Variants in CLOCK observed in about 807,000 individuals in gnomAD.
CLOCK encodes the protein clock circadian regulator, also known as circadian locomoter output cycles protein kaput.
CLOCK carries 43 observed loss-of-function variants against 118.4 expected under a neutral mutation model. The ratio of observed to expected loss-of-function variants is 0.36; its 90% CI spans 0.28 to 0.47. The LOEUF (loss-of-function observed/expected upper bound fraction) is 0.47, where lower values mean the gene tolerates loss of function less well. Ranked by LOEUF, CLOCK falls within the 20% of genes least tolerant of loss-of-function variation. The probability of loss-of-function intolerance (pLI) is 1.00; values close to 1 mark genes in which losing one functional copy is unlikely to be tolerated. For missense variants in CLOCK, 846 were observed against 999.9 expected (o/e 0.85, Z 2.08); for synonymous variants, 326 against 339.2 (o/e 0.96, Z 0.43).
intron 4 of CLOCK, among the ~76,000 whole-genome samples, chr4:55,481,728 G>A (rs1039651080): frequency 4.6e-5 from 7 of 152,224 alleles, no homozygotes; most frequent in East Asian, 1.9e-4. Flanking sequence ...GGAGCACACC[G>A]AACAGTGCAA....
intron 1 of CLOCK, among the ~76,000 whole-genome samples, chr4:55,516,947 C>G (rs189729671): frequency 2.9e-4 from 44 of 152,224 alleles, no homozygotes; most frequent in Admixed American, 1.2e-3. Flanking sequence ...ATGGGTAGTA[C>G]AAGTACCACG....
intron 1 of CLOCK, among the ~76,000 whole-genome samples, chr4:55,532,707 C>T (rs766720677): frequency 4.3e-4 from 65 of 151,958 alleles, no homozygotes; most frequent in Non-Finnish European, 8.8e-4. Context: ...ATTAGCCGAG[C>T]GTGGAAGCAT....
intron 1 of CLOCK, among the ~76,000 whole-genome samples, chr4:55,516,136 A>C (rs1729496814): frequency 6.6e-6 from 1 of 152,084 alleles, no homozygotes; most frequent in Admixed American, 6.6e-5. Flanking sequence ...TCTTGTGGTG[A>C]GTGTTCCATG....
chr4:55,520,024 CA>C (rs1729760892), intron 1 of CLOCK, among the ~76,000 whole-genome samples: 1 of 152,136 alleles, frequency 6.6e-6, no homozygotes, highest in South Asian at 2.1e-4. Context: ...GCAAAGGTTG[CA>C]TATTTAGTCT....
intron 2 of CLOCK, among the ~76,000 whole-genome samples, chr4:55,508,634 C>A (rs1482222379): frequency 6.6e-6 from 1 of 151,602 alleles, no homozygotes; most frequent in African/African-American, 2.4e-5. Flanking sequence ...GCTCTGTTGC[C>A]CAAGCTGGAG....
At chr4:55,543,712 A>T (rs1731429830) in intron 1 of CLOCK, among the ~76,000 whole-genome samples, 1 of 152,014 alleles carries the variant, frequency 6.6e-6, no homozygotes, top group Non-Finnish European at 1.5e-5. Flanking sequence ...TGGGAGCCGG[A>T]GGTTGCAGTG....
At chr4:55,534,065 TAATAA>T (rs1730725371) in intron 1 of CLOCK, among the ~76,000 whole-genome samples, 1 of 152,222 alleles carries the variant, frequency 6.6e-6, no homozygotes, top group Non-Finnish European at 1.5e-5. Context: ...AACCCAATAG[TAATAA>T]AATGTTTTGT....
intron 1 of CLOCK, among the ~76,000 whole-genome samples, chr4:55,534,800 T>C (rs902014520): frequency 6.6e-6 from 1 of 152,108 alleles, no homozygotes; most frequent in African/African-American, 2.4e-5. Context: ...AAGGCCTAAA[T>C]GAATGGAGAG....
intron 11 of CLOCK, 102 bp downstream of exon 11, chr4:55,458,790 T>C: frequency 1.3e-6 from 1 of 768,512 alleles, no homozygotes; most frequent in Non-Finnish European, 2.3e-6. Context: ...CATGCATATT[T>C]AATGACTCAT....
At chr4:55,535,664 AATC>A (rs1473452400) in intron 1 of CLOCK, among the ~76,000 whole-genome samples, 1 of 152,138 alleles carries the variant, frequency 6.6e-6, no homozygotes, top group African/African-American at 2.4e-5. Flanking sequence ...AAATTATAAA[AATC>A]ATATTTTTAA....
rs144104594 is a variant in CLOCK at position 55,519,132 on chromosome 4, G to A, written c.-289-9067C>T. On this transcript the variant is annotated intron_variant, in intron 1 of 22. Coordinates refer to ENST00000513440, the MANE Select transcript of CLOCK (RefSeq NM_004898.4). The stretch of plus-strand genomic sequence containing the variant: ...AATGGAGCAATCATAATTGACTACC[G>A]CCTCAAACTCCTGGGCTCAAGTGAT... Among the ~76,000 whole-genome samples, 10 of 151,966 alleles carry A rather than the reference G, an allele frequency of 6.6e-5. No individual in the cohort carries two copies. In the South Asian group the frequency reaches 8.3e-4, roughly 13 times the overall value.
chr4:55,438,260 G>A, intron 22 of CLOCK, 22 bp downstream of exon 22: 1 of 1,613,676 alleles, frequency 6.2e-7, no homozygotes, highest in Non-Finnish European at 8.5e-7. Flanking sequence ...GTTTGAAGCA[G>A]CTTCCCCATG....
In CLOCK at chr4:55,479,637, T is replaced by C. The variant is rs768454545; in HGVS notation, c.107+3A>G. The C allele has an allele frequency of 4.4e-6, 7 of 1,606,918 alleles. No homozygotes were observed. Among genetic ancestry groups the C allele is most frequent in the African/African-American group, 4.0e-5 (3 of 74,794 alleles). ...TACTATTTTATATCTCTAATCAAAC[T>C]ACCTTTTCGCTTTGTCCTTGTCATC... On this transcript the variant is annotated splice_donor_region_variant and intron_variant, in intron 5 of 22. Transcript: ENST00000513440.
intron 8 of CLOCK, among the ~76,000 whole-genome samples, chr4:55,465,679 G>A (rs1238017236): frequency 6.6e-6 from 1 of 152,122 alleles, no homozygotes; most frequent in African/African-American, 2.4e-5. Context: ...ATGGCTGGGT[G>A]CAGTGGTCAT....
chr4:55,494,622 C>A (rs563753334), intron 2 of CLOCK, among the ~76,000 whole-genome samples: 2 of 152,130 alleles, frequency 1.3e-5, no homozygotes, highest in African/African-American at 4.8e-5. Flanking sequence ...GGGAACAGTG[C>A]TCAGGTGATG....
chr4:55,448,968 C>T, intron 17 of CLOCK, 100 bp from the exon 18 acceptor site: 6 of 940,906 alleles, frequency 6.4e-6, no homozygotes, highest in Non-Finnish European at 1.0e-5. Flanking sequence ...ATAAACTTAC[C>T]ATTTGCCTCA....
In CLOCK at chr4:55,538,829, T is replaced by C. The variant is rs1297572046; in HGVS notation, c.-290+7953A>G. Among the ~76,000 whole-genome samples, 5 of 152,212 alleles carry C rather than the reference T, an allele frequency of 3.3e-5. No individual in the cohort carries two copies. In the East Asian group the frequency reaches 9.6e-4, roughly 29 times the overall value. The stretch of plus-strand genomic sequence containing the variant: ...AATATAGCTAATACATTGCCTTCAA[T>C]AAGACTGGTAGCTGACTTCAACAAA... On this transcript the variant is annotated intron_variant, in intron 1 of 22. Coordinates refer to ENST00000513440, the MANE Select transcript of CLOCK (RefSeq NM_004898.4).
At chr4:55,464,909 C>T (rs1402271256) in intron 8 of CLOCK, among the ~76,000 whole-genome samples, 1 of 152,136 alleles carries the variant, frequency 6.6e-6, no homozygotes, top group Non-Finnish European at 1.5e-5. Context: ...GTCTTTTCTC[C>T]AGCCCTCCAA....
At chr4:55,508,872 G>C (rs925126675) in intron 2 of CLOCK, among the ~76,000 whole-genome samples, 2 of 152,076 alleles carry the variant, frequency 1.3e-5, no homozygotes, top group Non-Finnish European at 2.9e-5. Context: ...GGTCTCTGCT[G>C]TAACTACAGA....
Sources: gnomAD v4.1 joint callset for allele counts (sites outside exome capture counted in the v4.1 genomes callset) on GRCh38, gnomAD v4.1.1 for gene constraint, MANE v1.5 for transcripts, NCBI Gene and HGNC (gene_info 2026-07-23, HGNC 2026-07-21) for gene names.